Variants in GALNTL6 observed in about 807,000 individuals in gnomAD.
GALNTL6 encodes polypeptide N-acetylgalactosaminyltransferase like 6.
In GALNTL6, 46 loss-of-function variants were observed where a neutral mutation model predicts 73.7. The observed-to-expected ratio is 0.62, with a 90% CI of 0.49 to 0.80. The LOEUF (loss-of-function observed/expected upper bound fraction) is 0.80. Among genes scored for constraint, GALNTL6 ranks in the 30% least tolerant of loss-of-function variants. The probability of loss-of-function intolerance (pLI) is 0.00; values close to 1 mark genes in which losing one functional copy is unlikely to be tolerated. For synonymous variants in GALNTL6, 259 were observed against 263.7 expected, an observed-to-expected ratio of 0.98 and a Z score of 0.17; for missense variants, 604 against 755.0, an observed-to-expected ratio of 0.80 and a Z score of 2.34.
chr4:172,625,921 C>A (rs922624934), intron 5 of GALNTL6, among the ~76,000 whole-genome samples: 2 of 151,762 alleles, frequency 1.3e-5, no homozygotes, highest in African/African-American at 2.4e-5. Flanking sequence ...GACATTAGAC[C>A]TTTGTTGGAT....
In GALNTL6 at chr4:172,926,055, A is replaced by G. The variant is rs144514756; in HGVS notation, c.1042-5106A>G. ...GCTACAGACTGAGTGGCTTATAAAT[A>G]ACAGAAATTTATTTCTCACTGTTCT... On this transcript the variant is annotated intron_variant, in intron 8 of 12. Coordinates refer to ENST00000506823, the MANE Select transcript of GALNTL6 (RefSeq NM_001034845.3). Among the ~76,000 whole-genome samples the G allele has an allele frequency of 8.8e-3, 1,343 of 152,308 alleles. 22 individuals are homozygous for G. The highest frequency in any genetic ancestry group is 0.029 in the African/African-American group (1,187 of 41,576).
At chr4:172,584,684 T>G (rs1401915629) in intron 5 of GALNTL6, among the ~76,000 whole-genome samples, 1 of 152,148 alleles carries the variant, frequency 6.6e-6, no homozygotes, top group African/African-American at 2.4e-5. Flanking sequence ...TGAAACTGAT[T>G]TGGGAGGAGG....
At chr4:172,656,565 T>C (rs896376157) in intron 5 of GALNTL6, among the ~76,000 whole-genome samples, 3 of 152,170 alleles carry the variant, frequency 2.0e-5, no homozygotes, top group South Asian at 4.1e-4. Context: ...CTAAGCATCA[T>C]TCTTTACCCA....
rs187871365 is a variant in GALNTL6, at chr4:172,200,484, G to A, written c.139-29172G>A. ...GTCAGCAATATGAAAAGCAAGTTGTGGAATGAAACAAACAAGTGGCACCAG... is the reference window on the plus strand; with the variant it reads ...GTCAGCAATATGAAAAGCAAGTTGTAGAATGAAACAAACAAGTGGCACCAG... On this transcript the variant is annotated intron_variant, in intron 2 of 12. Transcript: ENST00000506823. Among the ~76,000 whole-genome samples the A allele has an allele frequency of 1.5e-4, 23 of 152,186 alleles. No individual in the cohort carries two copies. In the East Asian group the frequency reaches 3.9e-3, roughly 26 times the overall value.
chr4:172,775,536 T>G (rs752139595), intron 5 of GALNTL6, among the ~76,000 whole-genome samples: 1 of 152,198 alleles, frequency 6.6e-6, no homozygotes, highest in East Asian at 1.9e-4. Flanking sequence ...CCACATTAAG[T>G]TGACCCAGAG....
At chr4:172,688,629 G>A (rs1243181603) in intron 5 of GALNTL6, among the ~76,000 whole-genome samples, 1 of 152,156 alleles carries the variant, frequency 6.6e-6, no homozygotes, top group Admixed American at 6.6e-5. Flanking sequence ...CTTTTAGTAA[G>A]AAGGCTGTTT....
intron 5 of GALNTL6, among the ~76,000 whole-genome samples, chr4:172,480,707 A>G (rs1733420560): frequency 6.6e-6 from 1 of 152,206 alleles, no homozygotes; most frequent in African/African-American, 2.4e-5. Flanking sequence ...TATTTCTGGT[A>G]TCTACTGGTC....
chr4:172,256,025 C>A (rs1405391969), intron 3 of GALNTL6, among the ~76,000 whole-genome samples: 1 of 151,462 alleles, frequency 6.6e-6, no homozygotes, highest in Non-Finnish European at 1.5e-5. Context: ...AATATTTTTA[C>A]AACATGGAAA....
At chr4:172,552,858 G>GAC (rs1553960385) in intron 5 of GALNTL6, among the ~76,000 whole-genome samples, 1 of 119,974 alleles carries the variant, frequency 8.3e-6, no homozygotes, top group South Asian at 2.7e-4. Flanking sequence ...AAAAAAAAAA[G>GAC]GTAAAAACCG....
At chr4:171,950,640 A>C (rs928528079) in intron 2 of GALNTL6, among the ~76,000 whole-genome samples, 2 of 151,774 alleles carry the variant, frequency 1.3e-5, no homozygotes, top group South Asian at 2.1e-4. Flanking sequence ...CCACCACGCC[A>C]GGCTAATTTT....
In GALNTL6 at chr4:172,155,812, A is replaced by G. The variant is rs572400912; in HGVS notation, c.139-73844A>G. Among the ~76,000 whole-genome samples, 57 of 152,232 alleles carry G rather than the reference A, an allele frequency of 3.7e-4. 1 individual carries two copies. Among genetic ancestry groups the G allele is most frequent in the African/African-American group, 1.2e-3 (51 of 41,542 alleles). On this transcript the variant is annotated intron_variant, in intron 2 of 12. Transcript: ENST00000506823. ...TTGAATTCTGTACTATAAAATGTAA[A>G]TAGAATTCTGACCACACTACTCCAT...
rs553898150 is a variant in GALNTL6 at position 171,982,587 on chromosome 4, C to G, written c.138+167869C>G. ...TGCTGGGATTACAAGCATGAGCCAC[C>G]GCGCCCGACCGAAAGTACTTTCGTT... On this transcript the variant is annotated intron_variant, in intron 2 of 12. Transcript: ENST00000506823. Among the ~76,000 whole-genome samples, 5 of 152,226 alleles carry G rather than the reference C, an allele frequency of 3.3e-5. No individual in the cohort carries two copies. In the South Asian group the frequency reaches 1.0e-3, roughly 32 times the overall value.
intron 2 of GALNTL6, among the ~76,000 whole-genome samples, chr4:171,961,632 A>T (rs1739223321): frequency 6.6e-6 from 1 of 152,148 alleles, no homozygotes; most frequent in Non-Finnish European, 1.5e-5. Flanking sequence ...ATGTTTCAAA[A>T]CTATGGTACA....
intron 10 of GALNTL6, among the ~76,000 whole-genome samples, chr4:172,982,646 G>A (rs1751118400): frequency 6.6e-6 from 1 of 152,054 alleles, no homozygotes; most frequent in Non-Finnish European, 1.5e-5. Flanking sequence ...AATTACCTAT[G>A]TATTGTCTAG....
chr4:171,931,894 T>A (rs1738196434), intron 2 of GALNTL6, among the ~76,000 whole-genome samples: 2 of 152,196 alleles, frequency 1.3e-5, no homozygotes, highest in Non-Finnish European at 2.9e-5. Context: ...TGTGAGTTAA[T>A]GAAATTTGTT....
chr4:171,976,753 G>T (rs1332120630), intron 2 of GALNTL6, among the ~76,000 whole-genome samples: 3 of 152,176 alleles, frequency 2.0e-5, no homozygotes, highest in African/African-American at 7.2e-5. Flanking sequence ...GTGAACCCAT[G>T]TGATGTGGAC....
At chr4:172,579,122 C>A (rs1253790880) in intron 5 of GALNTL6, among the ~76,000 whole-genome samples, 1 of 152,180 alleles carries the variant, frequency 6.6e-6, no homozygotes, top group Non-Finnish European at 1.5e-5. Context: ...ATTTTAACAT[C>A]ATCAAATTAC....
chr4:171,901,362 T>C (rs1007656610), intron 2 of GALNTL6, among the ~76,000 whole-genome samples: 5 of 152,256 alleles, frequency 3.3e-5, no homozygotes, highest in South Asian at 2.1e-4. Flanking sequence ...CTGAAGAACA[T>C]ACATGAACCT....
intron 5 of GALNTL6, among the ~76,000 whole-genome samples, chr4:172,448,135 G>GAGCC (rs1561087673): frequency 1.3e-5 from 2 of 152,134 alleles, no homozygotes; most frequent in Non-Finnish European, 2.9e-5. Flanking sequence ...ATCAGGAATA[G>GAGCC]AGCCAGCGCT....
Sources: gnomAD v4.1 joint callset for allele counts (sites outside exome capture counted in the v4.1 genomes callset) on GRCh38, gnomAD v4.1.1 for gene constraint, MANE v1.5 for transcripts, NCBI Gene and HGNC (gene_info 2026-07-23, HGNC 2026-07-21) for gene names.